The following ZNF185 variants were observed in gnomAD, a reference collection of about 807,000 sequenced individuals.
ZNF185 encodes zinc finger protein 185 with LIM domain.
Under a neutral mutation model 58.6 loss-of-function variants are expected in ZNF185, and 56 were observed. The observed-to-expected ratio is 0.95, with a 90% CI of 0.77 to 1.19. The LOEUF (loss-of-function observed/expected upper bound fraction) is 1.19. Among genes scored for constraint, ZNF185 ranks in the 50% most tolerant of loss-of-function variants. The probability of loss-of-function intolerance (pLI) is 0.00; values close to 1 mark genes in which losing one functional copy is unlikely to be tolerated. For synonymous variants in ZNF185, 230 were observed against 215.9 expected (o/e 1.07, Z -0.57); for missense variants, 627 against 573.5 (o/e 1.09, Z -0.95).
chrX:152,941,333 C>T (rs782519431), intron 15 of ZNF185, among the ~76,000 whole-genome samples: 9 of 112,241 alleles, frequency 8.0e-5, no homozygotes, highest in Admixed American at 7.5e-4. Context: ...TTCTTATATG[C>T]AGAGATCTGG....
intron 15 of ZNF185, 100 bp downstream of exon 17, chrX:152,938,263 T>G: frequency 1.2e-6 from 1 of 847,616 alleles, no homozygotes; most frequent in Non-Finnish European, 1.7e-6. Flanking sequence ...GCCAGCAAGG[T>G]TTGTGAGCTG....
chrX:152,940,498 G>C (rs1180653661), intron 15 of ZNF185, among the ~76,000 whole-genome samples: 2 of 110,910 alleles, frequency 1.8e-5, no homozygotes, highest in African/African-American at 6.6e-5. Flanking sequence ...GGTTGAAAGA[G>C]TTGTTATTCT....
chrX:152,950,026 C>T (rs2048149419), intron 16 of ZNF185, among the ~76,000 whole-genome samples: 1 of 111,842 alleles, frequency 8.9e-6, no homozygotes, highest in Non-Finnish European at 1.9e-5. Flanking sequence ...TCCATCATTT[C>T]AGACGACTGG....
chrX:152,909,810 T>C (rs782205529), upstream of ZNF185, among the ~76,000 whole-genome samples: 17 of 112,082 alleles, frequency 1.5e-4, no homozygotes, highest in Non-Finnish European at 3.2e-4. Flanking sequence ...TGTGGGGATT[T>C]CCTCCTCGGA....
At chrX:152,969,620 C>T in intron 21 of ZNF185, 136 bp downstream of exon 23, 1 of 492,690 alleles carries the variant, frequency 2.0e-6, no homozygotes, top group Non-Finnish European at 3.5e-6. Context: ...TACAATTGCA[C>T]ATAGTCGCAG....
chrX:152,933,225 AGCTG>A (rs2045908224), intron 14 of ZNF185, among the ~76,000 whole-genome samples: 1 of 112,997 alleles, frequency 8.8e-6, no homozygotes, highest in African/African-American at 3.2e-5. Context: ...GCCCACTCAC[AGCTG>A]GAGGCCCAGC....
At chrX:152,935,468 A>C (rs1403705122) in intron 14 of ZNF185, among the ~76,000 whole-genome samples, 8 of 104,375 alleles carry the variant, frequency 7.7e-5, no homozygotes, top group Non-Finnish European at 1.2e-4. Context: ...GATCTCCTGA[A>C]CTCGTGATCC....
chrX:152,918,660 C>T (rs1377157771), intron 6 of ZNF185, among the ~76,000 whole-genome samples: 1 of 112,205 alleles, frequency 8.9e-6, no homozygotes, highest in Non-Finnish European at 1.9e-5. Context: ...AGCCCCCCAC[C>T]CCCCACTGCA....
In ZNF185 at chrX:152,929,075, G is replaced by T. The variant is rs782444759; in HGVS notation, c.917+414G>T. On this transcript the variant is annotated intron_variant, in intron 12 of 22. Coordinates refer to ENST00000449285, the Ensembl canonical transcript of ZNF185. ...AGTCAGCCGTGCTGGGGATGTTGGT[G>T]GGGGTGGGAGGAGGATTGGGTCTAA... Among the ~76,000 whole-genome samples the T allele has an allele frequency of 2.7e-5, 3 of 112,077 alleles. No homozygotes were observed. In the East Asian group the frequency reaches 8.5e-4, roughly 32 times the overall value.
At chrX:152,921,282 G>C (rs782280869) in intron 9 of ZNF185, among the ~76,000 whole-genome samples, 62 of 111,727 alleles carry the variant, frequency 5.5e-4, no homozygotes, top group African/African-American at 1.9e-3. Context: ...AAGCAAGAAA[G>C]AAACTTCTGG....
intron 17 of ZNF185, among the ~76,000 whole-genome samples, chrX:152,961,342 C>G (rs1013183447): frequency 8.9e-6 from 1 of 112,245 alleles, no homozygotes; most frequent in African/African-American, 3.2e-5. Context: ...ATTCCTCAGC[C>G]TGGCTCTGGT....
intron 19 of ZNF185, 139 bp downstream of exon 21, chrX:152,965,666 G>C: frequency 2.0e-6 from 1 of 502,833 alleles, no homozygotes. Flanking sequence ...GAGTGATGTA[G>C]TTGCCCTCTG....
At position 152,917,306 on chromosome X, in the gene ZNF185, A is replaced by AG. The variant is rs1320138113; in HGVS notation, c.286dup (p.Asp96GlyfsTer28). The AG allele has an allele frequency of 8.3e-7, 1 of 1,210,242 alleles. No individual in the cohort carries two copies. The highest frequency in any genetic ancestry group is 1.7e-5 in the African/African-American group (1 of 57,351). On this transcript the variant is annotated frameshift_variant, in exon 5 of 23. Transcript: ENST00000449285. LOFTEE classifies it high-confidence loss of function. ...TCAGGGGAGTGTTCACCAAGCCCAT[A>AG]GACAGCTCTTCCCAGCCCCAGCAGC...
At chrX:152,900,241 G>T in the ZNF185 span, among the ~76,000 whole-genome samples, 1 of 112,462 alleles carries the variant, frequency 8.9e-6, no homozygotes, top group African/African-American at 3.2e-5. Flanking sequence ...ATAGGCATCG[G>T]CACTTGTTCC....
At position 152,917,214 on chromosome X, in the gene ZNF185, G is replaced by T. The variant is rs782235211; in HGVS notation, c.263+45G>T. The T allele has an allele frequency of 2.5e-6, 3 of 1,209,454 alleles. No homozygotes were observed. The South Asian group carries it at 5.3e-5, about 21-fold the overall frequency. On this transcript the variant is annotated intron_variant, in intron 4 of 22. Transcript: ENST00000449285. ...TGCCGGCCTTCCTGTGCCCACTCAC[G>T]CCAAGCCCTGACTTCTTACCCCTCC...
At chrX:152,917,914 C>T (rs1938843538) in intron 5 of ZNF185, 151 bp from the exon 7 acceptor site, 1 of 1,101,837 alleles carries the variant, frequency 9.1e-7, no homozygotes, top group Non-Finnish European at 1.2e-6. Context: ...CTGAGTGGCG[C>T]AGTTCCGGGT....
chrX:152,917,404 G>A (rs1361184718), intron 5 of ZNF185, 42 bp downstream of exon 6: 7 of 1,185,348 alleles, frequency 5.9e-6, no homozygotes, highest in Non-Finnish European at 1.1e-6. Context: ...GTGGGGAGGT[G>A]TGAGGGCCTG....
chrX:152,959,481 CTT>C (rs1556908087), intron 16 of ZNF185, among the ~76,000 whole-genome samples: 1 of 112,279 alleles, frequency 8.9e-6, no homozygotes. Context: ...CGTCAGGTGA[CTT>C]TGCCCTTGTC....
At chrX:152,932,287 G>C (rs1196387437) in intron 13 of ZNF185, among the ~76,000 whole-genome samples, 1 of 112,515 alleles carries the variant, frequency 8.9e-6, no homozygotes, top group African/African-American at 3.2e-5. Flanking sequence ...GTGGCAAGGG[G>C]TGAGGGGTCC....
Sources: gnomAD v4.1 joint callset for allele counts (sites outside exome capture counted in the v4.1 genomes callset) on GRCh38, gnomAD v4.1.1 for gene constraint, MANE v1.5 for transcripts, NCBI Gene and HGNC (gene_info 2026-07-23, HGNC 2026-07-21) for gene names.